Variants in CA12 observed in about 807,000 individuals in gnomAD.
CA12 encodes carbonate dehydratase XII.
CA12 carries 36 observed loss-of-function variants against 46.8 expected under a neutral mutation model. That is an observed-to-expected ratio of 0.77 (90% CI 0.59 to 1.02). The LOEUF is 1.02. Among genes scored for constraint, CA12 ranks in the 50% least tolerant of loss-of-function variants. CA12 has a pLI of 0.00. For missense variants in CA12, 436 were observed against 451.4 expected, an observed-to-expected ratio of 0.97 and a Z score of 0.31; for synonymous variants, 202 against 187.0, an observed-to-expected ratio of 1.08 and a Z score of -0.65.
chr15:63,337,468 T>C (rs1250288151), intron 8 of CA12, among the ~76,000 whole-genome samples: 2 of 152,334 alleles, frequency 1.3e-5, no homozygotes, highest in African/African-American at 2.4e-5. Context: ...TTTTTTGGTT[T>C]TTTTTTGAGA....
intron 2 of CA12, among the ~76,000 whole-genome samples, chr15:63,367,376 G>A (rs1316917047): frequency 6.6e-6 from 1 of 152,204 alleles, no homozygotes; most frequent in Non-Finnish European, 1.5e-5. Flanking sequence ...CCACGACATT[G>A]AGAGTTCCAT....
In CA12 at chr15:63,340,056, C is replaced by T. The variant is rs2039056442; in HGVS notation, c.747+232G>A. The T allele has an allele frequency of 3.5e-6, 2 of 570,600 alleles. No individual in the cohort carries two copies. The highest frequency in any genetic ancestry group is 6.2e-6 in the Non-Finnish European group (2 of 321,090). The allele number at this position is 570,600 out of a possible 1,614,324, so 35.3% of individuals were successfully genotyped here. On this transcript the variant is annotated intron_variant, in intron 7 of 10. Coordinates refer to ENST00000178638, the MANE Select transcript of CA12 (RefSeq NM_001218.5). The surrounding 1 kb of genome is among the most constrained non-coding windows in gnomAD (Gnocchi z 4.4). Reference sequence around the variant, plus strand: ...TATATTAGCAAATGCAGATTTAGAGCTCTTTTTTTTAAAAAAGAACTAGGA... The same window carrying T: ...TATATTAGCAAATGCAGATTTAGAGTTCTTTTTTTTAAAAAAGAACTAGGA...
At position 63,330,293 on chromosome 15, in the gene CA12, G is replaced by A. The variant is rs1180543569; in HGVS notation, c.875-2163C>T. ...TGTGGCCTCTGCACAGTGGAACTTG[G>A]TATTAGGGTTGGTTGTTTCTTTTTT... is the stretch of plus-strand genomic sequence containing the variant. On this transcript the variant is annotated intron_variant, in intron 8 of 10. Coordinates refer to ENST00000178638, the MANE Select transcript of CA12 (RefSeq NM_001218.5). This position sits in a 1 kb window ranked among gnomAD's most constrained non-coding sequence, Gnocchi z 4.0. 6.6e-6 allele frequency among the ~76,000 whole-genome samples: 1 copy of A among 152,198 alleles called. No individual in the cohort carries two copies. Among genetic ancestry groups the A allele is most frequent in the Non-Finnish European group, 1.5e-5 (1 of 68,038 alleles).
intron 2 of CA12, among the ~76,000 whole-genome samples, chr15:63,359,599 C>A (rs866207575): frequency 2.8e-4 from 43 of 152,058 alleles, no homozygotes; most frequent in African/African-American, 9.9e-4. Context: ...AAATAAAAAT[C>A]GAGGGACATT....
rs2038880424 is a variant in CA12, at chr15:63,327,310, T to C, written c.908-77A>G. ...TAGCCCATGGCCCCCGGGTGTGAAATCATGGCCCAGCTGCATAATCATCCA... is the reference window on the plus strand; with the variant it reads ...TAGCCCATGGCCCCCGGGTGTGAAACCATGGCCCAGCTGCATAATCATCCA... On this transcript the variant is annotated intron_variant, in intron 9 of 10. Coordinates refer to ENST00000178638, the MANE Select transcript of CA12 (RefSeq NM_001218.5). This position sits in a 1 kb window ranked among gnomAD's most constrained non-coding sequence, Gnocchi z 4.5. The C allele has an allele frequency of 1.8e-6, 2 of 1,096,300 alleles. No individual in the cohort carries two copies. Among genetic ancestry groups the C allele is most frequent in the African/African-American group, 3.1e-5 (2 of 64,378 alleles). The allele number at this position is 1,096,300 out of a possible 1,614,324, so 67.9% of individuals were successfully genotyped here.
rs2039651690 is a variant in CA12, at chr15:63,381,775, G to T, written c.-55C>A. On this transcript the variant is annotated 5_prime_UTR_variant, in exon 1 of 11. Coordinates refer to ENST00000178638, the MANE Select transcript of CA12 (RefSeq NM_001218.5). ...GCTGTGCCGGGGGCTCCCGGTGGCC[G>T]CTCGCTCTCCAGCTGCACACCGGGA... The T allele has an allele frequency of 3.1e-6, 4 of 1,276,318 alleles. No individual in the cohort carries two copies. The South Asian group carries it at 6.2e-5, about 20-fold the overall frequency. 79.1% of individuals were successfully genotyped at this position (1,276,318 alleles called of 1,614,324 possible). A position where few individuals can be genotyped will look rare whatever the true frequency, so the allele number is the denominator to read the frequency against.
At chr15:63,353,985 C>T (rs1156622340) in intron 2 of CA12, among the ~76,000 whole-genome samples, 3 of 152,218 alleles carry the variant, frequency 2.0e-5, no homozygotes, top group African/African-American at 7.2e-5. Flanking sequence ...CCCACAGCAT[C>T]ACCTTGGTAA....
intron 1 of CA12, among the ~76,000 whole-genome samples, chr15:63,379,522 C>G (rs970536743): frequency 2.0e-5 from 3 of 152,210 alleles, no homozygotes; most frequent in Non-Finnish European, 4.4e-5. Context: ...CAGTGGCATC[C>G]TGAGGGAGCA....
At position 63,323,297 on chromosome 15, in the gene CA12, T is replaced by C. The variant is rs2038818003; in HGVS notation, c.*2988A>G. The C allele has an allele frequency of 6.6e-6, 1 of 152,194 alleles. No homozygotes were observed. The highest frequency in any genetic ancestry group is 2.1e-4 in the South Asian group (1 of 4,824). The allele number at this position is 152,194 out of a possible 1,614,324, so 9.4% of individuals were successfully genotyped here. A position where few individuals can be genotyped will look rare whatever the true frequency, so the allele number is the denominator to read the frequency against. The stretch of plus-strand genomic sequence containing the variant: ...GGTCTTTATTTAATTCCTCTAGGCT[T>C]CCCAGCACCATTAAGCAGCTTCGCG... On this transcript the variant is annotated 3_prime_UTR_variant, in exon 11 of 11. Coordinates refer to ENST00000178638, the MANE Select transcript of CA12 (RefSeq NM_001218.5). The surrounding 1 kb of genome is among the most constrained non-coding windows in gnomAD (Gnocchi z 5.1).
At chr15:63,370,451 AAAAAAAAG>A (rs1253364216) in intron 2 of CA12, among the ~76,000 whole-genome samples, 1 of 149,990 alleles carries the variant, frequency 6.7e-6, no homozygotes, top group African/African-American at 2.5e-5. Context: ...TCAAAAAAAA[AAAAAAAAG>A]AAAAAAAGAA....
Position 63,339,240 on chromosome 15 carries a change from C to A in CA12, c.748-295G>T, listed in dbSNP as rs1312573841. Among the ~76,000 whole-genome samples, 2 of 99,654 alleles carry A rather than the reference C, an allele frequency of 2.0e-5. No homozygotes were observed. Among genetic ancestry groups the A allele is most frequent in the Admixed American group, 2.3e-4 (2 of 8,832 alleles). The allele number at this position is 99,654 out of a possible 152,430, so 65.4% of individuals were successfully genotyped here. On this transcript the variant is annotated intron_variant, in intron 7 of 10. Coordinates refer to ENST00000178638, the MANE Select transcript of CA12 (RefSeq NM_001218.5). This position sits in a 1 kb window ranked among gnomAD's most constrained non-coding sequence, Gnocchi z 4.3. ...GAATCTGCCCTGCGTGGAGGGAAAC[C>A]TGGGGTGATGGAGTGCTCCTTAACC...
chr15:63,340,545 C>G lies in CA12; in HGVS notation c.590-100G>C. 1 of 1,520,180 alleles carries G rather than the reference C, an allele frequency of 6.6e-7. No individual in the cohort carries two copies. Among genetic ancestry groups the G allele is most frequent in the Non-Finnish European group, 9.1e-7 (1 of 1,095,058 alleles). The allele number at this position is 1,520,180 out of a possible 1,614,324, so 94.2% of individuals were successfully genotyped here. On this transcript the variant is annotated intron_variant, in intron 6 of 10. Coordinates refer to ENST00000178638, the MANE Select transcript of CA12 (RefSeq NM_001218.5). The surrounding 1 kb of genome is among the most constrained non-coding windows in gnomAD (Gnocchi z 4.4). ...TGAGCCTAGAAACATGAACTAGCCC[C>G]TTTCAGGGTCATCTAACCCCAGGAC...
chr15:63,365,361 T>C (rs544571108), intron 2 of CA12, among the ~76,000 whole-genome samples: 5 of 152,340 alleles, frequency 3.3e-5, no homozygotes, highest in African/African-American at 1.2e-4. Context: ...GTGCCTGGCA[T>C]AAAACGAGCA....
rs1282649927 is a variant in CA12 at position 63,374,765 on chromosome 15, C to A, written c.106+893G>T. On this transcript the variant is annotated intron_variant, in intron 2 of 10. Transcript: ENST00000178638. This position sits in a 1 kb window ranked among gnomAD's most constrained non-coding sequence, Gnocchi z 4.4. Reference sequence around the variant, plus strand: ...GTAGTAATCAACTTCCCGCCTGTCCCCGCCCACAGCCATTGCATCCTGTGG... The same window carrying A: ...GTAGTAATCAACTTCCCGCCTGTCCACGCCCACAGCCATTGCATCCTGTGG... 2.0e-5 allele frequency among the ~76,000 whole-genome samples: 3 copies of A among 152,188 alleles called. No individual in the cohort carries two copies. The highest frequency in any genetic ancestry group is 7.2e-5 in the African/African-American group (3 of 41,444).
chr15:63,346,911 AAAG>A (rs1472852414), intron 2 of CA12, among the ~76,000 whole-genome samples: 1 of 152,194 alleles, frequency 6.6e-6, no homozygotes, highest in African/African-American at 2.4e-5. Context: ...TGATGTGGGG[AAAG>A]AAGGACTAGG....
At chr15:63,356,007 T>C (rs1001475181) in intron 2 of CA12, among the ~76,000 whole-genome samples, 1 of 152,204 alleles carries the variant, frequency 6.6e-6, no homozygotes, top group African/African-American at 2.4e-5. Context: ...ATTTACATGA[T>C]TAAATATGGT....
chr15:63,340,563 C>T lies in CA12; in HGVS notation c.590-118G>A. On this transcript the variant is annotated intron_variant, in intron 6 of 10. Coordinates refer to ENST00000178638, the MANE Select transcript of CA12 (RefSeq NM_001218.5). The surrounding 1 kb of genome is among the most constrained non-coding windows in gnomAD (Gnocchi z 4.4). ...CTAGCCCCTTTCAGGGTCATCTAAC[C>T]CCAGGACCTGGTTGCAACATTGTTC... is the stretch of plus-strand genomic sequence containing the variant. 1 of 1,458,266 alleles carries T rather than the reference C, an allele frequency of 6.9e-7. No individual in the cohort carries two copies. Among genetic ancestry groups the T allele is most frequent in the Non-Finnish European group, 9.6e-7 (1 of 1,039,326 alleles). The allele number at this position is 1,458,266 out of a possible 1,614,324, so 90.3% of individuals were successfully genotyped here.
rs1477376316 is a variant in CA12, at chr15:63,348,012, G to A, written c.107-1303C>T. ...CCTACATCGTGCTCTCTAACTAGGG[G>A]ACCGTATCTGAGAGTGGGAAGAATC... On this transcript the variant is annotated intron_variant, in intron 2 of 10. Transcript: ENST00000178638. The surrounding 1 kb of genome is among the most constrained non-coding windows in gnomAD (Gnocchi z 4.6). Among the ~76,000 whole-genome samples the A allele has an allele frequency of 6.6e-6, 1 of 152,174 alleles. No homozygotes were observed. Among genetic ancestry groups the A allele is most frequent in the Non-Finnish European group, 1.5e-5 (1 of 68,042 alleles).
chr15:63,381,063 T>G (rs942444509), intron 1 of CA12, among the ~76,000 whole-genome samples: 3 of 151,766 alleles, frequency 2.0e-5, no homozygotes, highest in Non-Finnish European at 4.4e-5. Flanking sequence ...CGCGCGTGCG[T>G]GTGTGTGTGT....
Sources: allele counts gnomAD v4.1 joint callset (sites outside exome capture counted in the v4.1 genomes callset), GRCh38; gene constraint gnomAD v4.1.1; non-coding constraint Gnocchi (gnomAD v3.1); transcripts MANE v1.5; gene names NCBI Gene and HGNC (gene_info 2026-07-23, HGNC 2026-07-21).